Variants in CACNA1A observed in about 807,000 individuals in gnomAD.
CACNA1A encodes voltage-dependent P/Q-type calcium channel subunit alpha-1A.
A neutral mutation model predicts 262.4 loss-of-function variants in CACNA1A; 57 were observed. The observed-to-expected ratio is 0.22, with a 90% confidence interval of 0.18 to 0.27. The LOEUF (loss-of-function observed/expected upper bound fraction) is 0.27. Ranked by LOEUF, CACNA1A falls within the 10% of genes least tolerant of loss-of-function variation. CACNA1A has a pLI of 1.00. For synonymous variants in CACNA1A, 1,431 were observed against 1,419.3 expected (o/e 1.01, Z -0.18); for missense variants, 2,526 against 3,562.8 (o/e 0.71, Z 7.41).
chr19:13,494,268 T>C (rs539668520), intron 1 of CACNA1A, among the ~76,000 whole-genome samples: 22 of 152,104 alleles, frequency 1.4e-4, no homozygotes, highest in Non-Finnish European at 2.8e-4. Context: ...GATGAGAGAG[T>C]ATACATATAT....
At chr19:13,346,647 TA>T (rs2058780673) in intron 6 of CACNA1A, among the ~76,000 whole-genome samples, 5 of 6,274 alleles carry the variant, frequency 8.0e-4, no homozygotes, top group African/African-American at 2.9e-3. Context: ...TATATATATA[TA>T]TATATATATA....
intron 6 of CACNA1A, among the ~76,000 whole-genome samples, chr19:13,347,354 C>T (rs1051018340): frequency 2.0e-5 from 3 of 151,968 alleles, no homozygotes; most frequent in Non-Finnish European, 2.9e-5. Context: ...ATAATGGCCA[C>T]GGTGCCCGGC....
intron 31 of CACNA1A, chr19:13,243,909 C>G (rs2056155171): frequency 6.6e-6 from 1 of 152,246 alleles, no homozygotes. Flanking sequence ...TTCCTCAGGC[C>G]CGACCACACC....
rs770260762 is a variant in CACNA1A at position 13,262,740 on chromosome 19, C to T, written c.4083G>A (p.Lys1361=). 6 of 1,608,312 alleles carry T rather than the reference C, an allele frequency of 3.7e-6. No individual in the cohort carries two copies. The change falls in exon 25 of 47, where the codon AAG becomes AAA. Residue 1361 remains lysine, a synonymous_variant. Coordinates refer to ENST00000360228, the MANE Select transcript of CACNA1A (RefSeq NM_001127222.2). The part of the protein sequence containing the change: ...RPLKTIKRLP[K]LKAVFDCVVN... ...CACCATCTCCCAATCTCACCTTGAG[C>T]TTTGGCAGCCGCTTGATGGTTTTAA...
At chr19:13,380,632 C>T (rs571273413) in intron 3 of CACNA1A, among the ~76,000 whole-genome samples, 26 of 89,140 alleles carry the variant, frequency 2.9e-4, no homozygotes, top group African/African-American at 1.0e-3. Flanking sequence ...GGTGACAGAG[C>T]GTGACTCTGT....
At chr19:13,346,426 T>A (rs1486344086) in intron 6 of CACNA1A, among the ~76,000 whole-genome samples, 1 of 149,406 alleles carries the variant, frequency 6.7e-6, no homozygotes, top group Non-Finnish European at 1.5e-5. Flanking sequence ...AAGCAATTGC[T>A]GGCCTCAAAC....
intron 8 of CACNA1A, among the ~76,000 whole-genome samples, chr19:13,333,341 C>T (rs1347977001): frequency 1.3e-5 from 2 of 152,138 alleles, no homozygotes. Context: ...CCTTGACATC[C>T]CCACAGCTTC....
At chr19:13,403,832 C>A (rs541956013) in intron 3 of CACNA1A, among the ~76,000 whole-genome samples, 1 of 152,050 alleles carries the variant, frequency 6.6e-6, no homozygotes, top group African/African-American at 2.4e-5. Flanking sequence ...GTGGTATGCA[C>A]CTGTGGTCCT....
chr19:13,234,802 A>G lies in CACNA1A; in HGVS notation c.5249+119T>C, dbSNP rs560920011. ...TGAGGGCGCGCCCCTGCCAGAAGAGAAGGAGGAGGGCACGTCTTGCATTGG... is the reference window on the plus strand; with the variant it reads ...TGAGGGCGCGCCCCTGCCAGAAGAGGAGGAGGAGGGCACGTCTTGCATTGG... On this transcript the variant is annotated intron_variant, in intron 34 of 46. Transcript: ENST00000360228. 2.8e-3 allele frequency: 2,012 copies of G among 721,830 alleles called. 5 individuals are homozygous for G. The highest frequency in any genetic ancestry group is 3.8e-3 in the Non-Finnish European group (1,530 of 407,796). The allele number at this position is 721,830 out of a possible 1,614,324, so 44.7% of individuals were successfully genotyped here.
intron 6 of CACNA1A, among the ~76,000 whole-genome samples, chr19:13,337,918 T>C (rs915294858): frequency 3.3e-5 from 5 of 152,098 alleles, no homozygotes; most frequent in Admixed American, 1.3e-4. Flanking sequence ...CTATAGTGTA[T>C]CTAAAAATAT....
intron 1 of CACNA1A, among the ~76,000 whole-genome samples, chr19:13,480,702 C>G (rs886585420): frequency 2.0e-5 from 3 of 151,384 alleles, no homozygotes; most frequent in Non-Finnish European, 2.9e-5. Context: ...AAAAAAGTTA[C>G]ACACACATTT....
At chr19:13,450,411 C>G (rs2060894945) in intron 3 of CACNA1A, 1 of 152,336 alleles carries the variant, frequency 6.6e-6, no homozygotes, top group Non-Finnish European at 1.5e-5. Context: ...CCAGTGAAGT[C>G]TTCCCTGGCT....
intron 19 of CACNA1A, among the ~76,000 whole-genome samples, chr19:13,293,440 T>TTTTA (rs2057589297): frequency 1.8e-5 from 1 of 56,268 alleles, no homozygotes. Flanking sequence ...CAGTTAAATC[T>TTTTA]TTTTTTTTTT....
At chr19:13,364,206 A>T (rs2059164509) in intron 5 of CACNA1A, 1 of 152,148 alleles carries the variant, frequency 6.6e-6, no homozygotes, top group Non-Finnish European at 1.5e-5. Flanking sequence ...CAATTGGGGT[A>T]TCTCTGGTAC....
rs1264519886 is a variant in CACNA1A at position 13,298,917 on chromosome 19, G to C, written c.2716C>G (p.Arg906Gly). The part of the protein sequence containing the change: ...PYGRESDHHA[R>G]EGSLEQPGFW... ...CCGGGTTGCTCCAGGCTGCCCTCCC[G>C]GGCGTGGTGGTCCGACTCGCGGCCG... is the stretch of plus-strand genomic sequence containing the variant. Residue 906 changes from arginine to glycine, a missense_variant, in exon 19 of 47, where the codon CGG becomes GGG. By Grantham distance (125) the Arg-to-Gly change is moderately radical. Coordinates refer to ENST00000360228, the MANE Select transcript of CACNA1A (RefSeq NM_001127222.2). 3.1e-6 allele frequency: 5 copies of C among 1,594,312 alleles called. No individual in the cohort carries two copies. Among genetic ancestry groups the C allele is most frequent in the Non-Finnish European group, 4.2e-6 (5 of 1,177,752 alleles).
chr19:13,497,868 G>A (rs1884239732), intron 1 of CACNA1A, among the ~76,000 whole-genome samples: 1 of 151,870 alleles, frequency 6.6e-6, no homozygotes, highest in African/African-American at 2.4e-5. Context: ...TACTGTCCCC[G>A]TTTTACAGAG....
chr19:13,393,969 C>T (rs190375197), intron 3 of CACNA1A, among the ~76,000 whole-genome samples: 113 of 152,114 alleles, frequency 7.4e-4, no homozygotes, highest in East Asian at 1.9e-4. Context: ...TTGAACTAGG[C>T]GCTGGTTACA....
At chr19:13,399,209 T>A (rs1308466987) in intron 3 of CACNA1A, among the ~76,000 whole-genome samples, 2 of 152,084 alleles carry the variant, frequency 1.3e-5, no homozygotes, top group Non-Finnish European at 2.9e-5. Context: ...GTATTATTAT[T>A]ATCACCAGCC....
chr19:13,215,316 TTTTTTTTTTG>T (rs1568427005), intron 38 of CACNA1A: 5 of 53,962 alleles, frequency 9.3e-5, no homozygotes, highest in Non-Finnish European at 7.2e-5. Flanking sequence ...TGGCTGGTTG[TTTTTTTTTTG>T]TTTTTTTTTT....
Sources: gnomAD v4.1 joint callset for allele counts (sites outside exome capture counted in the v4.1 genomes callset) on GRCh38, gnomAD v4.1.1 for gene constraint, MANE v1.5 for transcripts, NCBI Gene and HGNC (gene_info 2026-07-23, HGNC 2026-07-21) for gene names.